Variants in PSMA1 observed in about 807,000 individuals in gnomAD.
PSMA1 encodes the protein proteasome 20S subunit alpha 1, also known as proteasome subunit alpha type-1.
Under a neutral mutation model 38.4 loss-of-function variants are expected in PSMA1, and 3 were observed. That is an observed-to-expected ratio of 0.08 (90% confidence interval 0.04 to 0.20). The LOEUF (loss-of-function observed/expected upper bound fraction) is 0.20, where lower values mean the gene tolerates loss of function less well. Among genes scored for constraint, PSMA1 ranks in the 10% least tolerant of loss-of-function variants. The pLI is 1.00. For synonymous variants in PSMA1, 101 were observed against 107.1 expected (o/e 0.94, Z 0.35); for missense variants, 227 against 325.3 (o/e 0.70, Z 2.32).
In PSMA1 at chr11:14,535,110, C is replaced by G. The variant is rs972887741; in HGVS notation, c.22-16069G>C. The stretch of plus-strand genomic sequence containing the variant: ...AAACAAAAAACAAACAAAAAAACCC[C>G]TGGTATTTTAGAAGCTTTTTATTTT... On this transcript the variant is annotated intron_variant, in intron 2 of 10. Transcript: ENST00000418988. Among the ~76,000 whole-genome samples, 3 of 151,416 alleles carry G rather than the reference C, an allele frequency of 2.0e-5. No homozygotes were observed. In the East Asian group the frequency reaches 5.8e-4, roughly 29 times the overall value.
In PSMA1 at chr11:14,561,809, TTAAACTAAACTAAACTAAAC is replaced by T. The variant is rs71044010; in HGVS notation, c.22-42788_22-42769del. 3.4e-3 allele frequency among the ~76,000 whole-genome samples: 503 copies of T among 147,924 alleles called. 2 individuals are homozygous for T. The highest frequency in any genetic ancestry group is 0.019 in the South Asian group (86 of 4,558). ...TAGTCCTAAACTAAACTAAACTAAA[TTAAACTAAACTAAACTAAAC>T]TAAACTAAACTAAACTAAACTAAAC... On this transcript the variant is annotated intron_variant, in intron 2 of 10. Coordinates refer to the PSMA1 transcript ENST00000418988.
At chr11:14,606,415 T>C (rs1232116530) in intron 2 of PSMA1, among the ~76,000 whole-genome samples, 1 of 150,392 alleles carries the variant, frequency 6.6e-6, no homozygotes, top group Non-Finnish European at 1.5e-5. Context: ...AGACCCTGTC[T>C]GAATGAAAAA....
chr11:14,554,275 T>C (rs968543948), intron 2 of PSMA1, among the ~76,000 whole-genome samples: 3 of 152,180 alleles, frequency 2.0e-5, no homozygotes, highest in Non-Finnish European at 4.4e-5. Flanking sequence ...TCTGTCTTCA[T>C]TCTCTTAATG....
At chr11:14,601,171 A>T (rs1171473834) in intron 2 of PSMA1, among the ~76,000 whole-genome samples, 2 of 152,212 alleles carry the variant, frequency 1.3e-5, no homozygotes, top group Non-Finnish European at 2.9e-5. Context: ...AGCAACATGC[A>T]CGGGGTCTTG....
intron 2 of PSMA1, among the ~76,000 whole-genome samples, chr11:14,552,820 CTTTTTTTT>C (rs34932699): frequency 8.2e-6 from 1 of 122,028 alleles, no homozygotes; most frequent in Non-Finnish European, 1.7e-5. Flanking sequence ...GCTTATATAA[CTTTTTTTT>C]TTTTTTTTTT....
intron 2 of PSMA1, among the ~76,000 whole-genome samples, chr11:14,527,096 C>G (rs1015233802): frequency 4.6e-5 from 7 of 152,174 alleles, no homozygotes; most frequent in African/African-American, 1.7e-4. Flanking sequence ...ATTAATGCCT[C>G]TTTAATAAAA....
At chr11:14,559,376 A>T (rs1403301627) in intron 2 of PSMA1, among the ~76,000 whole-genome samples, 1 of 152,256 alleles carries the variant, frequency 6.6e-6, no homozygotes, top group Admixed American at 6.5e-5. Context: ...GGTGACTGCT[A>T]GCCAGAGGAA....
At chr11:14,509,713 GTTTTTTT>G (rs34597306) in intron 8 of PSMA1, among the ~76,000 whole-genome samples, 1 of 109,952 alleles carries the variant, frequency 9.1e-6, no homozygotes, top group Non-Finnish European at 1.9e-5. Context: ...CAAACCGGTT[GTTTTTTT>G]TTTTTTTTTT....
chr11:14,548,049 T>C (rs753785096), intron 2 of PSMA1, among the ~76,000 whole-genome samples: 41 of 150,910 alleles, frequency 2.7e-4, no homozygotes, highest in Non-Finnish European at 5.2e-4. Flanking sequence ...CCACACAGAG[T>C]TGTATATACA....
intron 2 of PSMA1, among the ~76,000 whole-genome samples, chr11:14,604,211 C>T (rs1852616728): frequency 6.6e-6 from 1 of 152,108 alleles, no homozygotes; most frequent in South Asian, 2.1e-4. Flanking sequence ...AGGCATATGC[C>T]ACCACGCCCG....
chr11:14,538,951 G>A (rs2134163432), intron 2 of PSMA1, among the ~76,000 whole-genome samples: 1 of 152,350 alleles, frequency 6.6e-6, no homozygotes, highest in African/African-American at 2.4e-5. Context: ...GATATAAAAT[G>A]ACCATGCATG....
rs1375665315 is a variant in PSMA1, at chr11:14,505,131, T to C, written c.*61A>G. The C allele has an allele frequency of 1.1e-5, 15 of 1,402,788 alleles. No homozygotes were observed. Among genetic ancestry groups the C allele is most frequent in the Non-Finnish European group, 1.5e-5 (15 of 988,880 alleles). 86.9% of individuals were successfully genotyped at this position (1,402,788 alleles called of 1,614,324 possible). The stretch of plus-strand genomic sequence containing the variant: ...TGGTTCAAAGTATAGATTATTGTCA[T>C]CAGTATGTGGTGCCTGTATTCTTAC... On this transcript the variant is annotated 3_prime_UTR_variant, in exon 10 of 10. Transcript: ENST00000396394.
At position 14,633,084 on chromosome 11, in the gene PSMA1, G is replaced by A. The variant is rs1391648704; in HGVS notation, c.-166+10371C>T. Among the ~76,000 whole-genome samples the A allele has an allele frequency of 3.2e-4, 48 of 152,004 alleles. 1 individual carries two copies. In the East Asian group the frequency reaches 8.5e-3, roughly 27 times the overall value. On this transcript the variant is annotated intron_variant, in intron 1 of 10. Coordinates refer to the PSMA1 transcript ENST00000418988. ...CAACTTCTTTGCCTTTGGTTTGAAT[G>A]TCCTCCCATAGCTCAGAGTAATTTG... is the stretch of plus-strand genomic sequence containing the variant.
chr11:14,596,334 C>A (rs1190267800), intron 2 of PSMA1, among the ~76,000 whole-genome samples: 2 of 152,114 alleles, frequency 1.3e-5, no homozygotes, highest in African/African-American at 4.8e-5. Flanking sequence ...TTACTTTGGG[C>A]ATTATGGCCA....
At chr11:14,626,640 G>T (rs1352343260) in intron 1 of PSMA1, among the ~76,000 whole-genome samples, 1 of 152,122 alleles carries the variant, frequency 6.6e-6, no homozygotes, top group Non-Finnish European at 1.5e-5. Flanking sequence ...AGAAACCTGG[G>T]CAAGTCCTAT....
At chr11:14,624,022 A>G (rs1356192437) in intron 1 of PSMA1, among the ~76,000 whole-genome samples, 2 of 152,228 alleles carry the variant, frequency 1.3e-5, no homozygotes, top group African/African-American at 2.4e-5. Context: ...CTATGGGTAT[A>G]GAATACCACA....
intron 2 of PSMA1, among the ~76,000 whole-genome samples, chr11:14,566,432 C>G (rs569093549): frequency 2.6e-5 from 4 of 152,132 alleles, no homozygotes; most frequent in Non-Finnish European, 4.4e-5. Context: ...AGAGAAGGGT[C>G]TGGATAACTA....
chr11:14,613,818 A>G (rs936611870), intron 1 of PSMA1, among the ~76,000 whole-genome samples: 1 of 152,214 alleles, frequency 6.6e-6, no homozygotes, highest in African/African-American at 2.4e-5. Flanking sequence ...TAATTCTGGC[A>G]TCTTCCACAA....
chr11:14,521,877 G>T (rs1322143098), upstream of PSMA1, among the ~76,000 whole-genome samples: 2 of 151,964 alleles, frequency 1.3e-5, no homozygotes, highest in Non-Finnish European at 2.9e-5. Flanking sequence ...ATCAACACTG[G>T]TTATTGTCGT....
Sources: gnomAD v4.1 joint callset for allele counts (sites outside exome capture counted in the v4.1 genomes callset) on GRCh38, gnomAD v4.1.1 for gene constraint, MANE v1.5 for transcripts, NCBI Gene and HGNC (gene_info 2026-07-23, HGNC 2026-07-21) for gene names.